The following XPC variants were observed in gnomAD, a reference collection of about 807,000 sequenced individuals.
The protein encoded by XPC is DNA repair protein complementing XP-C cells.
XPC carries 76 observed loss-of-function variants against 95.8 expected under a neutral mutation model. The ratio of observed to expected loss-of-function variants is 0.79; its 90% confidence interval spans 0.66 to 0.96. The LOEUF (loss-of-function observed/expected upper bound fraction) is 0.96, where lower values mean the gene tolerates loss of function less well. Ranked by LOEUF, XPC falls within the 40% of genes least tolerant of loss-of-function variation. The pLI, the probability that XPC is intolerant of heterozygous loss-of-function variation, is 0.00. For missense variants in XPC, 1,146 were observed against 1,179.8 expected (o/e 0.97, Z 0.42); for synonymous variants, 442 against 442.1 (o/e 1.00, Z 0.00).
chr3:14,146,425 C>G (rs1018505963), intron 15 of XPC, among the ~76,000 whole-genome samples: 8 of 152,126 alleles, frequency 5.3e-5, no homozygotes, highest in African/African-American at 1.4e-4. Context: ...AAGCTGCCCT[C>G]TAGGAGCACA....
rs929649978 is a variant in XPC at position 14,164,813 on chromosome 3, A to G, written c.900T>C (p.His300=). The G allele has an allele frequency of 9.9e-6, 16 of 1,612,956 alleles. No homozygotes were observed. Among genetic ancestry groups the G allele is most frequent in the Non-Finnish European group, 1.4e-5 (16 of 1,179,500 alleles). ...YSARDDEELV[H]IFLLILRALQ... ...ACAGTGATCCGGGAGGATCACTTAC[A>G]TGGACCAATTCCTCATCATCTCGAG... Residue 300 remains histidine, a splice_region_variant and synonymous_variant, in exon 7 of 16, where the codon CAT becomes CAC. Coordinates refer to ENST00000285021, the MANE Select transcript of XPC (RefSeq NM_004628.5).
intron 3 of XPC, among the ~76,000 whole-genome samples, chr3:14,169,512 T>C (rs1696526322): frequency 6.6e-6 from 1 of 152,186 alleles, no homozygotes; most frequent in African/African-American, 2.4e-5. Flanking sequence ...TACTGCTCTA[T>C]ATTAAGAGAG....
intron 7 of XPC, among the ~76,000 whole-genome samples, chr3:14,162,373 C>T (rs1208700562): frequency 2.6e-5 from 4 of 152,184 alleles, no homozygotes; most frequent in East Asian, 1.9e-4. Context: ...TTCCTGATTT[C>T]GCAACTTACT....
In XPC at chr3:14,145,999, T is replaced by G. The variant is rs767346855; in HGVS notation, c.2765A>C (p.Lys922Thr). The G allele has an allele frequency of 2.1e-5, 34 of 1,610,620 alleles. No homozygotes were observed. The South Asian group carries it at 3.4e-4, about 16-fold the overall frequency. The change falls in exon 16 of 16, where the codon AAG (lysine) becomes ACG (threonine). Residue 922 changes from lysine to threonine, a missense_variant. By Grantham distance (78) the Lys-to-Thr change is moderately conservative. Transcript: ENST00000285021. ...EKQKLKGGPKKTKREKKAAAS... is the reference protein window; with the variant it reads ...EKQKLKGGPKTTKREKKAAAS... ...TGCTGCTTTCTTTTCCCTTTTGGTC[T>G]TCTTGGGCCCACCCTTCAGCTTCTG...
rs142447886 is a variant in XPC, at chr3:14,153,207, C to A, written c.2034-791G>T. On this transcript the variant is annotated intron_variant, in intron 10 of 15. Transcript: ENST00000285021. The stretch of plus-strand genomic sequence containing the variant: ...AGGAATCTGAGGCTGAATTTCAGCA[C>A]AGCACAATGGATGGAGGTTGAACCT... The A allele has an allele frequency of 2.3e-4, 35 of 152,378 alleles. 2 individuals are homozygous for A. The East Asian group carries it at 6.8e-3, about 29-fold the overall frequency. 9.4% of individuals were successfully genotyped at this position (152,378 alleles called of 1,614,324 possible).
In XPC at chr3:14,152,365, T is replaced by C; in HGVS notation, c.2085A>G (p.Arg695=). 1 of 1,613,322 alleles carries C rather than the reference T, an allele frequency of 6.2e-7. No individual in the cohort carries two copies. Among genetic ancestry groups the C allele is most frequent in the Non-Finnish European group, 8.5e-7 (1 of 1,179,662 alleles). Residue 695 remains arginine, a synonymous_variant, in exon 11 of 16, where the codon AGA becomes AGG. Coordinates refer to ENST00000285021, the MANE Select transcript of XPC (RefSeq NM_004628.5). Reference sequence around the variant, plus strand: ...AGGGTACTTCTCCAAGCCTCACCACTCTTGCTTTCTTCAGCCACGTGTCCC... The same window carrying C: ...AGGGTACTTCTCCAAGCCTCACCACCCTTGCTTTCTTCAGCCACGTGTCCC... The part of the protein sequence containing the change: ...HSRDTWLKKA[R]VVRLGEVPYK...
Position 14,158,426 on chromosome 3 carries a change from G to A in XPC, c.1457C>T (p.Thr486Ile). 1 of 1,613,806 alleles carries A rather than the reference G, an allele frequency of 6.2e-7. No individual in the cohort carries two copies. The highest frequency in any genetic ancestry group is 8.5e-7 in the Non-Finnish European group (1 of 1,179,834). The stretch of plus-strand genomic sequence containing the variant: ...GTCCTTACGATGGCTCCCACGATGG[G>A]TCCTGGAGGCACTCTTGGACCCAGC... ...TKAGSKSASRTHRGSHRKDPS... is the reference protein window; with the variant it reads ...TKAGSKSASRIHRGSHRKDPS... Residue 486 changes from threonine (T) to isoleucine (I), a missense_variant, in exon 9 of 16, where the codon ACC (threonine) becomes ATC (isoleucine). Transcript: ENST00000285021. This position sits in a 1 kb window ranked among gnomAD's most constrained non-coding sequence, Gnocchi z 5.2.
intron 10 of XPC, among the ~76,000 whole-genome samples, chr3:14,155,869 T>C (rs1695884685): frequency 6.6e-6 from 1 of 152,196 alleles, no homozygotes; most frequent in Non-Finnish European, 1.5e-5. Flanking sequence ...ATTTTAACCA[T>C]TTTTAAGTGT....
chr3:14,171,043 A>G (rs147113444), intron 2 of XPC, among the ~76,000 whole-genome samples: 86 of 152,342 alleles, frequency 5.6e-4, no homozygotes, highest in African/African-American at 1.9e-3. Flanking sequence ...GGATGTAACT[A>G]CACATAGGTG....
At chr3:14,147,471 A>G (rs1394301882) in intron 14 of XPC, 92 bp from the exon 15 acceptor site, 1 of 1,218,496 alleles carries the variant, frequency 8.2e-7, no homozygotes, top group Non-Finnish European at 1.2e-6. Flanking sequence ...AAAGACAGAT[A>G]TATACACCAC....
At chr3:14,147,787 G>C (rs917517979) in intron 14 of XPC, 121 bp downstream of exon 14, 1 of 860,812 alleles carries the variant, frequency 1.2e-6, no homozygotes, top group African/African-American at 1.7e-5. Flanking sequence ...TGCCTGCCAT[G>C]ATGTCAGAGA....
chr3:14,165,988 G>A (rs1696363824), intron 5 of XPC: 1 of 190,118 alleles, frequency 5.3e-6, no homozygotes, highest in Non-Finnish European at 1.1e-5. Context: ...GGAAGCCTGT[G>A]GAAGCCGGCG....
At chr3:14,149,089 C>CTT (rs111520695) in intron 11 of XPC, 141 bp from the exon 12 acceptor site, 358 of 992,208 alleles carry the variant, frequency 3.6e-4, no homozygotes, top group South Asian at 4.3e-4. Context: ...CTTTTTCTCC[C>CTT]TTTTTTTTTT....
intron 1 of XPC, among the ~76,000 whole-genome samples, chr3:14,174,641 T>A (rs752654731): frequency 6.6e-6 from 1 of 152,204 alleles, no homozygotes; most frequent in Non-Finnish European, 1.5e-5. Context: ...AACCATGAGA[T>A]AATTGTTAAG....
intron 10 of XPC, 130 bp downstream of exon 10, chr3:14,156,205 C>T (rs963596263): frequency 1.9e-5 from 23 of 1,191,974 alleles, no homozygotes; most frequent in South Asian, 9.6e-5. Context: ...ACACAGCACA[C>T]GCACACTGGC....
At chr3:14,162,636 C>A (rs1027554527) in intron 7 of XPC, among the ~76,000 whole-genome samples, 2 of 152,114 alleles carry the variant, frequency 1.3e-5, no homozygotes, top group Non-Finnish European at 2.9e-5. Context: ...TAACTCACAA[C>A]GTATGTAAGA....
Position 14,146,161 on chromosome 3 carries a change from T to C in XPC, c.2605-2A>G. On this transcript the variant is annotated splice_acceptor_variant, in intron 15 of 15. Transcript: ENST00000285021. LOFTEE classifies it high-confidence loss of function. ...TGTGTGGGGAGCTGCTGCCTCACTCTGGACAGGTGGCAGTGGTGGGAGGAC... is the reference window on the plus strand; with the variant it reads ...TGTGTGGGGAGCTGCTGCCTCACTCCGGACAGGTGGCAGTGGTGGGAGGAC... The C allele has an allele frequency of 1.2e-6, 2 of 1,603,998 alleles. No homozygotes were observed. The highest frequency in any genetic ancestry group is 2.2e-5 in the East Asian group (1 of 44,656).
At position 14,165,534 on chromosome 3, in the gene XPC, T is replaced by A. The variant is rs770864579; in HGVS notation, c.673A>T (p.Ser225Cys). 13 of 1,612,418 alleles carry A rather than the reference T, an allele frequency of 8.1e-6. No homozygotes were observed. Among genetic ancestry groups the A allele is most frequent in the Admixed American group, 6.7e-5 (4 of 59,832 alleles). Residue 225 changes from serine to cysteine, a missense_variant, in exon 6 of 16, where the codon AGC becomes TGC. Ser to Cys is a moderately radical substitution (Grantham distance 112). Coordinates refer to ENST00000285021, the MANE Select transcript of XPC (RefSeq NM_004628.5). ...ANGFYRNNICSQPDLHAIGLS... is the reference protein window; with the variant it reads ...ANGFYRNNICCQPDLHAIGLS... ...CCAATAGCATGCAGATCTGGCTGGC[T>A]GCAGATGTTATTTCGATAGAAGCCA...
chr3:14,159,029 G>A (rs1415258530), intron 8 of XPC, 137 bp from the exon 9 acceptor site: 25 of 1,133,186 alleles, frequency 2.2e-5, no homozygotes, highest in Non-Finnish European at 2.9e-5. Context: ...CTCAGACAGT[G>A]ATCAACCAGC....
Sources: gnomAD v4.1 joint callset for allele counts (sites outside exome capture counted in the v4.1 genomes callset) on GRCh38, gnomAD v4.1.1 for gene constraint, Gnocchi (gnomAD v3.1) non-coding constraint, MANE v1.5 for transcripts, NCBI Gene and HGNC (gene_info 2026-07-23, HGNC 2026-07-21) for gene names.